Variants in PTPRD observed in about 807,000 individuals in gnomAD.
PTPRD encodes protein tyrosine phosphatase receptor type D, also known as receptor-type tyrosine-protein phosphatase delta.
PTPRD carries 34 observed loss-of-function variants against 214.5 expected under a neutral mutation model. The observed-to-expected ratio is 0.16, with a 90% CI of 0.12 to 0.21. The LOEUF (loss-of-function observed/expected upper bound fraction) is 0.21, where lower values mean the gene tolerates loss of function less well. Ranked by LOEUF, PTPRD falls within the 10% of genes least tolerant of loss-of-function variation. The probability of loss-of-function intolerance (pLI) is 1.00; values close to 1 mark genes in which losing one functional copy is unlikely to be tolerated. For synonymous variants in PTPRD, 1,128 were observed against 845.7 expected, an observed-to-expected ratio of 1.33 and a Z score of -5.79; for missense variants, 2,545 against 2,398.7, an observed-to-expected ratio of 1.06 and a Z score of -1.27.
chr9:8,376,342 A>G (rs975443034), intron 38 of PTPRD, among the ~76,000 whole-genome samples: 5 of 152,088 alleles, frequency 3.3e-5, no homozygotes, highest in African/African-American at 7.2e-5. Context: ...GAGAGCTCCT[A>G]TCACATTTTA....
At chr9:9,699,109 A>T (rs1342729724) in intron 7 of PTPRD, among the ~76,000 whole-genome samples, 3 of 152,152 alleles carry the variant, frequency 2.0e-5, no homozygotes, top group African/African-American at 4.8e-5. Flanking sequence ...AGAATAATCC[A>T]ATTTTCTAAA....
intron 10 of PTPRD, among the ~76,000 whole-genome samples, chr9:9,140,224 G>T (rs981593340): frequency 5.9e-5 from 9 of 151,302 alleles, no homozygotes; most frequent in Non-Finnish European, 1.2e-4. Flanking sequence ...AGAAAAAAAA[G>T]AAAAAGCCCT....
At chr9:10,217,361 A>G (rs2099546493) in intron 3 of PTPRD, among the ~76,000 whole-genome samples, 1 of 151,668 alleles carries the variant, frequency 6.6e-6, no homozygotes, top group South Asian at 2.1e-4. Flanking sequence ...AAAATTAGAA[A>G]CCCAACTCAG....
intron 8 of PTPRD, among the ~76,000 whole-genome samples, chr9:9,440,516 T>C (rs762145170): frequency 6.6e-6 from 1 of 152,194 alleles, no homozygotes; most frequent in Non-Finnish European, 1.5e-5. Flanking sequence ...CATTATTCAA[T>C]ACATATCTCT....
chr9:8,650,556 G>A (rs185592040), intron 12 of PTPRD, among the ~76,000 whole-genome samples: 2 of 146,504 alleles, frequency 1.4e-5, no homozygotes, highest in South Asian at 2.1e-4. Context: ...AAGTGGATAC[G>A]TGATGGATAA....
At chr9:10,166,864 A>G (rs982571784) in intron 3 of PTPRD, among the ~76,000 whole-genome samples, 8 of 152,118 alleles carry the variant, frequency 5.3e-5, no homozygotes, top group Non-Finnish European at 1.2e-4. Context: ...TCCATCATTA[A>G]TGCTAATTTC....
intron 3 of PTPRD, among the ~76,000 whole-genome samples, chr9:10,264,221 C>T (rs2093898094): frequency 6.6e-6 from 1 of 152,168 alleles, no homozygotes. Context: ...CACTGGGGCG[C>T]TGCCTAGTGG....
At chr9:8,342,893 T>C (rs1220311071) in intron 39 of PTPRD, among the ~76,000 whole-genome samples, 2 of 152,106 alleles carry the variant, frequency 1.3e-5, no homozygotes, top group South Asian at 2.1e-4. Context: ...GATGTGGCAT[T>C]TGAAGTAGGA....
At chr9:8,685,505 G>A (rs1455872869) in intron 12 of PTPRD, among the ~76,000 whole-genome samples, 1 of 152,184 alleles carries the variant, frequency 6.6e-6, no homozygotes, top group East Asian at 1.9e-4. Flanking sequence ...TGGGTGTGAT[G>A]TAACTATATC....
intron 11 of PTPRD, among the ~76,000 whole-genome samples, chr9:8,772,204 A>G (rs1258719819): frequency 1.3e-5 from 2 of 152,066 alleles, no homozygotes; most frequent in Non-Finnish European, 2.9e-5. Context: ...GCTTATTTTT[A>G]CATAATTTTA....
At chr9:9,942,959 A>G (rs965423117) in intron 4 of PTPRD, among the ~76,000 whole-genome samples, 1 of 151,610 alleles carries the variant, frequency 6.6e-6, no homozygotes, top group African/African-American at 2.4e-5. Context: ...TGAAAACTGA[A>G]AATCACAAAG....
chr9:10,559,797 C>G (rs7873368), intron 2 of PTPRD, among the ~76,000 whole-genome samples: 28,259 of 152,004 alleles, frequency 0.19, 3,230 homozygotes, highest in African/African-American at 0.33. Context: ...AGCCAAAAAA[C>G]ACATGAAAAA....
chr9:8,764,220 C>A (rs988074525), intron 11 of PTPRD, among the ~76,000 whole-genome samples: 1 of 152,218 alleles, frequency 6.6e-6, no homozygotes, highest in African/African-American at 2.4e-5. Flanking sequence ...TTTTCTTCTT[C>A]CTACTCTACA....
At chr9:10,389,466 C>A (rs561032859) in intron 2 of PTPRD, among the ~76,000 whole-genome samples, 1 of 151,898 alleles carries the variant, frequency 6.6e-6, no homozygotes, top group Non-Finnish European at 1.5e-5. Flanking sequence ...GCAATCCACA[C>A]ACAGTAATTT....
intron 5 of PTPRD, chr9:9,800,740 A>G (rs540516834): frequency 2.0e-5 from 3 of 152,178 alleles, no homozygotes; most frequent in Admixed American, 6.6e-5. Context: ...GTATTTAATT[A>G]TATTTGCCCA....
At chr9:8,978,505 C>A (rs1240527479) in intron 11 of PTPRD, among the ~76,000 whole-genome samples, 5 of 151,754 alleles carry the variant, frequency 3.3e-5, no homozygotes, top group Non-Finnish European at 5.9e-5. Context: ...TGCCTCTATG[C>A]AAAATTGAGA....
At chr9:8,318,279 T>C (rs1823522005) in intron 45 of PTPRD, among the ~76,000 whole-genome samples, 1 of 152,108 alleles carries the variant, frequency 6.6e-6, no homozygotes, top group African/African-American at 2.4e-5. Flanking sequence ...ACATGCCTTA[T>C]AAGCAGATAA....
chr9:8,515,581 T>C (rs2138233403), intron 21 of PTPRD, among the ~76,000 whole-genome samples: 1 of 152,140 alleles, frequency 6.6e-6, no homozygotes, highest in South Asian at 2.1e-4. Context: ...TGTGTACTAG[T>C]GAAAAGGGAA....
intron 11 of PTPRD, among the ~76,000 whole-genome samples, chr9:8,939,561 T>C (rs973446617): frequency 8.3e-5 from 6 of 72,408 alleles, no homozygotes; most frequent in Non-Finnish European, 1.8e-4. Context: ...TCTATGTGTA[T>C]GTTGATATAT....
Sources: gnomAD v4.1 joint callset for allele counts (sites outside exome capture counted in the v4.1 genomes callset) on GRCh38, gnomAD v4.1.1 for gene constraint, MANE v1.5 for transcripts, NCBI Gene and HGNC (gene_info 2026-07-23, HGNC 2026-07-21) for gene names.